PRKAR2B: variants seen among roughly 807,000 people sequenced by gnomAD.
PRKAR2B encodes the protein cAMP-dependent protein kinase type II-beta regulatory subunit.
In PRKAR2B, 14 loss-of-function variants were observed where a neutral mutation model predicts 49.9. The ratio of observed to expected loss-of-function variants is 0.28; its 90% CI spans 0.19 to 0.44. The LOEUF is 0.44. Ranked by LOEUF, PRKAR2B falls within the 20% of genes least tolerant of loss-of-function variation. The pLI, the probability that PRKAR2B is intolerant of heterozygous loss-of-function variation, is 1.00. For synonymous variants in PRKAR2B, 196 were observed against 197.7 expected (o/e 0.99, Z 0.07); for missense variants, 393 against 537.9 (o/e 0.73, Z 2.67).
chr7:107,092,698 A>G (rs567864252), intron 2 of PRKAR2B, among the ~76,000 whole-genome samples: 4 of 152,162 alleles, frequency 2.6e-5, no homozygotes, highest in Non-Finnish European at 5.9e-5. Context: ...AAATTTATCT[A>G]TGTATTTTTA....
chr7:107,076,525 G>A (rs905105752), intron 2 of PRKAR2B, among the ~76,000 whole-genome samples: 1 of 152,100 alleles, frequency 6.6e-6, no homozygotes, highest in Non-Finnish European at 1.5e-5. Flanking sequence ...GATGGCATTA[G>A]CACAGCTGCT....
chr7:107,126,457 C>T (rs1434568976), intron 3 of PRKAR2B, among the ~76,000 whole-genome samples: 2 of 133,324 alleles, frequency 1.5e-5, no homozygotes, highest in Admixed American at 7.5e-5. Context: ...GTCATTGGTA[C>T]GAGAGGTAGC....
chr7:107,070,392 CA>C (rs1197014636), intron 2 of PRKAR2B, 76 bp downstream of exon 2: 1 of 1,303,830 alleles, frequency 7.7e-7, no homozygotes, highest in Non-Finnish European at 1.1e-6. Flanking sequence ...CAAGAAGGTA[CA>C]AAGAATAATT....
At chr7:107,118,607 G>A (rs1795333560) in intron 2 of PRKAR2B, among the ~76,000 whole-genome samples, 1 of 152,222 alleles carries the variant, frequency 6.6e-6, no homozygotes, top group Admixed American at 6.5e-5. Flanking sequence ...AGCATGCAGT[G>A]TGGTAAATGA....
chr7:107,065,320 G>GTA lies in PRKAR2B; in HGVS notation c.308-4959_308-4958dup, dbSNP rs1308836763. Among the ~76,000 whole-genome samples, 14 of 46,238 alleles carry GTA rather than the reference G, an allele frequency of 3.0e-4. No homozygotes were observed. In the East Asian group the frequency reaches 8.9e-3, roughly 29 times the overall value. 30.3% of individuals were successfully genotyped at this position (46,238 alleles called of 152,430 possible). On this transcript the variant is annotated intron_variant, in intron 1 of 10. Transcript: ENST00000265717. The stretch of plus-strand genomic sequence containing the variant: ...TTATTTTTGTTTGCTCGGGGTGTGT[G>GTA]TATGTGTGTGTGTGTGTGTGTGTGT...
At chr7:107,081,966 A>G (rs1219193447) in intron 2 of PRKAR2B, 2 of 152,222 alleles carry the variant, frequency 1.3e-5, no homozygotes, top group Non-Finnish European at 2.9e-5. Context: ...GGATACTTTA[A>G]TATATGCATT....
At chr7:107,151,212 T>G (rs113539571) in intron 7 of PRKAR2B, among the ~76,000 whole-genome samples, 189 bp downstream of exon 7, 104 of 152,344 alleles carry the variant, frequency 6.8e-4, no homozygotes, top group Middle Eastern at 3.4e-3. Flanking sequence ...TTTCATTTGT[T>G]TTGTTATTTG....
intron 6 of PRKAR2B, among the ~76,000 whole-genome samples, chr7:107,150,070 C>T (rs990476670): frequency 6.6e-6 from 1 of 151,766 alleles, no homozygotes; most frequent in African/African-American, 2.4e-5. Flanking sequence ...CCAATTTTTA[C>T]TTTATTAAAA....
chr7:107,122,268 A>C (rs1461084232), intron 3 of PRKAR2B, among the ~76,000 whole-genome samples: 2 of 152,158 alleles, frequency 1.3e-5, no homozygotes, highest in African/African-American at 4.8e-5. Flanking sequence ...TCATAGTGAT[A>C]ATATTATTTT....
chr7:107,136,620 A>G (rs1405538268), intron 4 of PRKAR2B, among the ~76,000 whole-genome samples: 2 of 152,352 alleles, frequency 1.3e-5, no homozygotes, highest in Middle Eastern at 3.4e-3. Context: ...AGTACTACAC[A>G]TCTATTAGAA....
intron 2 of PRKAR2B, among the ~76,000 whole-genome samples, chr7:107,114,292 A>G (rs1269963002): frequency 1.3e-5 from 2 of 151,654 alleles, no homozygotes; most frequent in African/African-American, 2.4e-5. Context: ...TACACATTAC[A>G]AAAACCAGAT....
At chr7:107,060,484 A>T (rs770350621) in intron 1 of PRKAR2B, among the ~76,000 whole-genome samples, 23 of 152,166 alleles carry the variant, frequency 1.5e-4, no homozygotes, top group African/African-American at 5.6e-4. Context: ...ATTGCTAGTG[A>T]CATTGAACAT....
At chr7:107,076,424 C>T (rs975608469) in intron 2 of PRKAR2B, among the ~76,000 whole-genome samples, 1 of 151,976 alleles carries the variant, frequency 6.6e-6, no homozygotes, top group Admixed American at 6.6e-5. Flanking sequence ...TAAATTGACT[C>T]CCTGAAGTTT....
At chr7:107,094,176 G>A (rs1043989645) in intron 2 of PRKAR2B, among the ~76,000 whole-genome samples, 7 of 152,130 alleles carry the variant, frequency 4.6e-5, no homozygotes, top group Non-Finnish European at 7.3e-5. Flanking sequence ...AGCACCTGTT[G>A]TTTCCTGACT....
intron 2 of PRKAR2B, among the ~76,000 whole-genome samples, chr7:107,089,059 C>T (rs913586878): frequency 2.0e-5 from 3 of 151,778 alleles, no homozygotes; most frequent in Admixed American, 2.0e-4. Context: ...ATCTCTGCTA[C>T]TCGGTAGGCT....
At position 107,157,010 on chromosome 7, in the gene PRKAR2B, T is replaced by C. The variant is rs1796105436; in HGVS notation, c.945T>C (p.Ile315=). ...AQGDSADSFF[I]VESGEVKITM... is the part of the protein sequence containing the mutation. ...GAGATTCGGCTGATTCTTTTTTCAT[T>C]GTAGAATCTGGAGAAGTGAAAATTA... The change falls in exon 9 of 11, where the codon ATT becomes ATC. Residue 315 remains isoleucine, a synonymous_variant. Coordinates refer to ENST00000265717, the MANE Select transcript of PRKAR2B (RefSeq NM_002736.3). 6.2e-7 allele frequency: 1 copy of C among 1,612,348 alleles called. No individual in the cohort carries two copies. Among genetic ancestry groups the C allele is most frequent in the Admixed American group, 1.7e-5 (1 of 60,010 alleles).
At chr7:107,151,887 C>T (rs11767623) in intron 7 of PRKAR2B, among the ~76,000 whole-genome samples, 128,083 of 152,244 alleles carry the variant, frequency 0.84, 54,068 homozygotes, top group East Asian at 0.93. Context: ...AATCAAGCCA[C>T]TGTAAGTCAG....
At chr7:107,148,671 T>C (rs550860612) in intron 6 of PRKAR2B, among the ~76,000 whole-genome samples, 5 of 152,252 alleles carry the variant, frequency 3.3e-5, no homozygotes, top group African/African-American at 1.2e-4. Flanking sequence ...AGAAAATAAA[T>C]TTTTCTTTTA....
At chr7:107,077,783 A>C (rs1794427650) in intron 2 of PRKAR2B, 1 of 152,220 alleles carries the variant, frequency 6.6e-6, no homozygotes, top group Admixed American at 6.5e-5. Flanking sequence ...ACGTATTAAA[A>C]GTGTCTCTGT....
Sources: gnomAD v4.1 joint callset for allele counts (sites outside exome capture counted in the v4.1 genomes callset) on GRCh38, gnomAD v4.1.1 for gene constraint, MANE v1.5 for transcripts, NCBI Gene and HGNC (gene_info 2026-07-23, HGNC 2026-07-21) for gene names.